Variants in TNFRSF10B observed in about 807,000 individuals in gnomAD.
TNFRSF10B encodes TNF receptor superfamily member 10b.
TNFRSF10B carries 35 observed loss-of-function variants against 41.4 expected under a neutral mutation model. The ratio of observed to expected loss-of-function variants is 0.85; its 90% CI spans 0.65 to 1.12. The LOEUF (loss-of-function observed/expected upper bound fraction) is 1.12. Ranked by LOEUF, TNFRSF10B falls within the 50% of genes most tolerant of loss-of-function variation. TNFRSF10B has a pLI of 0.00. For missense variants in TNFRSF10B, 584 were observed against 552.7 expected, an observed-to-expected ratio of 1.06 and a Z score of -0.57; for synonymous variants, 230 against 215.5, an observed-to-expected ratio of 1.07 and a Z score of -0.59.
intron 1 of TNFRSF10B, among the ~76,000 whole-genome samples, chr8:23,045,180 A>G (rs548757643): frequency 9.9e-5 from 15 of 151,918 alleles, no homozygotes; most frequent in African/African-American, 3.6e-4. Context: ...CAGTAAGCTG[A>G]GATTGTCACA....
At chr8:23,038,378 A>G (rs1366931034) in intron 2 of TNFRSF10B, among the ~76,000 whole-genome samples, 1 of 152,242 alleles carries the variant, frequency 6.6e-6, no homozygotes, top group Admixed American at 6.5e-5. Context: ...ACAGCGAAAG[A>G]AGCTTCTTAT....
At position 23,027,243 on chromosome 8, in the gene TNFRSF10B, C is replaced by A; in HGVS notation, c.826G>T (p.Val276Leu). ...GAEDNVLNEI[V>L]SILQPTQVPE... Reference sequence around the variant, plus strand: ...ACCTGGGTGGGCTGCAAGATACTCACGATCTCATTGAGGACATTGTCCTCA... The same window carrying A: ...ACCTGGGTGGGCTGCAAGATACTCAAGATCTCATTGAGGACATTGTCCTCA... Residue 276 changes from valine (V) to leucine (L), a missense_variant, in exon 7 of 9, where the codon GTG becomes TTG. Val to Leu is a conservative substitution (Grantham distance 32). Transcript: ENST00000276431. 6 of 1,614,168 alleles carry A rather than the reference C, an allele frequency of 3.7e-6. No individual in the cohort carries two copies. Among genetic ancestry groups the A allele is most frequent in the South Asian group, 3.3e-5 (3 of 91,074 alleles).
chr8:23,050,778 A>C (rs1812501654), intron 1 of TNFRSF10B, among the ~76,000 whole-genome samples: 1 of 152,192 alleles, frequency 6.6e-6, no homozygotes, highest in South Asian at 2.1e-4. Flanking sequence ...CCCAGAGCTC[A>C]AACATCCAGT....
intron 2 of TNFRSF10B, among the ~76,000 whole-genome samples, chr8:23,041,420 A>G (rs1316523129): frequency 6.6e-6 from 1 of 152,024 alleles, no homozygotes; most frequent in East Asian, 1.9e-4. Flanking sequence ...TAATCCCAAC[A>G]CTTTGGAAGG....
At chr8:23,041,632 C>G (rs2128815369) in intron 2 of TNFRSF10B, among the ~76,000 whole-genome samples, 1 of 150,622 alleles carries the variant, frequency 6.6e-6, no homozygotes, top group East Asian at 2.0e-4. Context: ...AACCTAACCT[C>G]TTACTAGGAG....
chr8:23,021,466 G>T lies in TNFRSF10B; in HGVS notation c.*1205C>A, dbSNP rs1348723901. The T allele has an allele frequency of 3.1e-5, 14 of 454,016 alleles. No individual in the cohort carries two copies. The highest frequency in any genetic ancestry group is 5.7e-5 in the Non-Finnish European group (13 of 226,802). The allele number at this position is 454,016 out of a possible 1,614,324, so 28.1% of individuals were successfully genotyped here. A position where few individuals can be genotyped will look rare whatever the true frequency, so the allele number is the denominator to read the frequency against. On this transcript the variant is annotated 3_prime_UTR_variant, in exon 9 of 9. Coordinates refer to ENST00000276431, the MANE Select transcript of TNFRSF10B (RefSeq NM_003842.5). Reference sequence around the variant, plus strand: ...ACTCTTCCCCCTTGATGCCATGGCAGACGTGGGAGACAGATTTTGTCTTCT... The same window carrying T: ...ACTCTTCCCCCTTGATGCCATGGCATACGTGGGAGACAGATTTTGTCTTCT...
rs896967041 is a variant in TNFRSF10B at position 23,022,938 on chromosome 8, G to A, written c.1056C>T (p.Asp352=). The A allele has an allele frequency of 1.2e-6, 2 of 1,613,738 alleles. No individual in the cohort carries two copies. The highest frequency in any genetic ancestry group is 2.7e-5 in the African/African-American group (2 of 74,896). ...ACTTCCTCATGAGCGGCTCCCAGGA[G>A]TCAAAGGGCACCAAGTCTGCAAAGT... ...FDDFADLVPF[D]SWEPLMRKLG... Residue 352 remains aspartate, a synonymous_variant, in exon 9 of 9, where the codon GAC becomes GAT. Coordinates refer to ENST00000276431, the MANE Select transcript of TNFRSF10B (RefSeq NM_003842.5).
Position 23,021,232 on chromosome 8 carries a change from G to C in TNFRSF10B, c.*1439C>G, listed in dbSNP as rs761131643. ...GGACACAAGAAGAAAACCTTAATGC[G>C]TCAGCCATTCTAGGTCCTGTTGCCA... On this transcript the variant is annotated 3_prime_UTR_variant, in exon 9 of 9. Transcript: ENST00000276431. 1 of 453,970 alleles carries C rather than the reference G, an allele frequency of 2.2e-6. No individual in the cohort carries two copies. The highest frequency in any genetic ancestry group is 4.4e-6 in the Non-Finnish European group (1 of 226,806). The allele number at this position is 453,970 out of a possible 1,614,324, so 28.1% of individuals were successfully genotyped here. A position where few individuals can be genotyped will look rare whatever the true frequency, so the allele number is the denominator to read the frequency against.
chr8:23,063,614 C>T (rs1812896809), intron 1 of TNFRSF10B, among the ~76,000 whole-genome samples: 1 of 152,172 alleles, frequency 6.6e-6, no homozygotes, highest in African/African-American at 2.4e-5. Flanking sequence ...CATCACCGGC[C>T]TGCGTTATCA....
intron 1 of TNFRSF10B, among the ~76,000 whole-genome samples, chr8:23,055,212 C>T (rs1439442774): frequency 6.6e-6 from 1 of 151,932 alleles, no homozygotes; most frequent in African/African-American, 2.4e-5. Flanking sequence ...GAACTGAAAA[C>T]TAGGTGTTTC....
chr8:23,052,695 G>A (rs1812561327), intron 1 of TNFRSF10B, among the ~76,000 whole-genome samples: 1 of 152,172 alleles, frequency 6.6e-6, no homozygotes, highest in Non-Finnish European at 1.5e-5. Context: ...TAAAAATAAG[G>A]AGAATTTTAA....
At chr8:23,050,680 T>C (rs1204974783) in intron 1 of TNFRSF10B, among the ~76,000 whole-genome samples, 3 of 152,060 alleles carry the variant, frequency 2.0e-5, no homozygotes, top group South Asian at 2.1e-4. Context: ...TGGGAAAAAA[T>C]TGTTTAAGTG....
At chr8:23,036,811 C>T (rs1360032539) in intron 2 of TNFRSF10B, among the ~76,000 whole-genome samples, 1 of 152,226 alleles carries the variant, frequency 6.6e-6, no homozygotes, top group Non-Finnish European at 1.5e-5. Flanking sequence ...CCATTGCACT[C>T]TAGCCCGGGC....
chr8:23,049,835 T>A (rs1467802362), intron 1 of TNFRSF10B: 3 of 152,208 alleles, frequency 2.0e-5, no homozygotes, highest in Non-Finnish European at 4.4e-5. Flanking sequence ...GCAGCGAGAT[T>A]CACCTGCATC....
chr8:23,027,418 C>A, intron 6 of TNFRSF10B, 130 bp from the exon 7 acceptor site: 1 of 1,170,712 alleles, frequency 8.5e-7, no homozygotes, highest in Non-Finnish European at 1.2e-6. Context: ...GCAGGCAGCC[C>A]AGACTCAGCA....
At chr8:23,065,940 C>CAA (rs1812968063) in intron 1 of TNFRSF10B, among the ~76,000 whole-genome samples, 1 of 152,086 alleles carries the variant, frequency 6.6e-6, no homozygotes, top group African/African-American at 2.4e-5. Flanking sequence ...CTAAAGCTTA[C>CAA]AAATATACTC....
chr8:23,021,930 A>G lies in TNFRSF10B; in HGVS notation c.*741T>C, dbSNP rs1445278496. 4.4e-6 allele frequency: 2 copies of G among 453,054 alleles called. No individual in the cohort carries two copies. Among genetic ancestry groups the G allele is most frequent in the Non-Finnish European group, 8.8e-6 (2 of 226,312 alleles). 28.1% of individuals were successfully genotyped at this position (453,054 alleles called of 1,614,324 possible). ...CAAGTACATTTACTAAAGTTTCTTC[A>G]TGTTCATAAAATAATAACATACAGA... On this transcript the variant is annotated 3_prime_UTR_variant, in exon 9 of 9. Coordinates refer to ENST00000276431, the MANE Select transcript of TNFRSF10B (RefSeq NM_003842.5).
In TNFRSF10B at chr8:23,069,014, G is replaced by A. The variant is rs569579949; in HGVS notation, c.-120C>T. 2.6e-6 allele frequency: 4 copies of A among 1,511,330 alleles called. No homozygotes were observed. In the South Asian group the frequency reaches 4.6e-5, roughly 17 times the overall value. 93.6% of individuals were successfully genotyped at this position (1,511,330 alleles called of 1,614,324 possible). On this transcript the variant is annotated 5_prime_UTR_variant, in exon 1 of 9. Coordinates refer to ENST00000276431, the MANE Select transcript of TNFRSF10B (RefSeq NM_003842.5). ...TTGCGGGGTTCTCCGGCCGCGTGCT[G>A]ATTTATGTGTCCAGGCTGACTTGGG...
Position 23,021,830 on chromosome 8 carries a change from G to A in TNFRSF10B, c.*841C>T. ...GAACCCAGACAGTGACATCTTACAG[G>A]GGACTTCTTCTTCTTCCCCCATTGT... On this transcript the variant is annotated 3_prime_UTR_variant, in exon 9 of 9. Coordinates refer to ENST00000276431, the MANE Select transcript of TNFRSF10B (RefSeq NM_003842.5). 1 of 454,030 alleles carries A rather than the reference G, an allele frequency of 2.2e-6. No individual in the cohort carries two copies. The highest frequency in any genetic ancestry group is 4.4e-6 in the Non-Finnish European group (1 of 226,784). 28.1% of individuals were successfully genotyped at this position (454,030 alleles called of 1,614,324 possible).
Sources: gnomAD v4.1 joint callset for allele counts (sites outside exome capture counted in the v4.1 genomes callset) on GRCh38, gnomAD v4.1.1 for gene constraint, MANE v1.5 for transcripts, NCBI Gene and HGNC (gene_info 2026-07-23, HGNC 2026-07-21) for gene names.